Variants in PANK2 observed in about 807,000 individuals in gnomAD.
The protein encoded by PANK2 is pantothenate kinase 2, mitochondrial.
PANK2 carries 36 observed loss-of-function variants against 43.1 expected under a neutral mutation model. The observed-to-expected ratio is 0.84, with a 90% CI of 0.64 to 1.10. PANK2 has a LOEUF of 1.10. Among genes scored for constraint, PANK2 ranks in the 50% least tolerant of loss-of-function variants. The pLI, the probability that PANK2 is intolerant of heterozygous loss-of-function variation, is 0.00. For synonymous variants in PANK2, 281 were observed against 238.2 expected (o/e 1.18, Z -1.66); for missense variants, 576 against 593.3 (o/e 0.97, Z 0.30).
At chr20:3,889,205 C>T, upstream of PANK2, 9 of 1,612,694 alleles carry the variant, frequency 5.6e-6, no homozygotes, top group South Asian at 1.1e-5. Flanking sequence ...CCCGGATCCC[C>T]TCCTCCACCA....
intron 4 of PANK2, among the ~76,000 whole-genome samples, chr20:3,913,775 C>CACATATATAT (rs575219677): frequency 1.6e-5 from 2 of 124,008 alleles, no homozygotes; most frequent in Non-Finnish European, 1.7e-5. Flanking sequence ...CACACACACA[C>CACATATATAT]ATATATATAT....
chr20:3,889,267 ATCC>A (rs1568549477), upstream of PANK2: 4 of 1,611,902 alleles, frequency 2.5e-6, no homozygotes, highest in South Asian at 2.2e-5. Context: ...GGCACGGTCA[ATCC>A]TCCTCGAGTT....
rs528213420 is a variant in PANK2, at chr20:3,895,478, G to A, written c.298+5750G>A. On this transcript the variant is annotated intron_variant, in intron 1 of 6. Coordinates refer to ENST00000610179, the MANE Select transcript of PANK2 (RefSeq NM_001386393.1). ...AGCCTGGGCGACAGAGGGAGACCCT[G>A]TCTCCGTTTTTTTTTTTTTCTTTTT... 2.2e-3 allele frequency among the ~76,000 whole-genome samples: 230 copies of A among 106,096 alleles called. 2 individuals are homozygous for A. Among genetic ancestry groups the A allele is most frequent in the African/African-American group, 8.0e-3 (227 of 28,268 alleles). 69.6% of individuals were successfully genotyped at this position (106,096 alleles called of 152,430 possible). A position where few individuals can be genotyped will look rare whatever the true frequency, so the allele number is the denominator to read the frequency against.
intron 4 of PANK2, among the ~76,000 whole-genome samples, chr20:3,915,370 C>G (rs1489503826): frequency 2.6e-5 from 4 of 152,056 alleles, no homozygotes. Flanking sequence ...GCGATCTCGG[C>G]TCACTGCAAC....
At chr20:3,921,717 T>C (rs576552701) in intron 6 of PANK2, 1 of 152,114 alleles carries the variant, frequency 6.6e-6, no homozygotes, top group Non-Finnish European at 1.5e-5. Context: ...GCCTTTCTTT[T>C]TTTTGTTTTT....
chr20:3,894,832 A>G (rs1435776413), intron 1 of PANK2, among the ~76,000 whole-genome samples: 1 of 152,212 alleles, frequency 6.6e-6, no homozygotes, highest in African/African-American at 2.4e-5. Flanking sequence ...GGGACTAAAA[A>G]TCGTCCCCTT....
intron 1 of PANK2, among the ~76,000 whole-genome samples, chr20:3,893,146 T>C (rs1317951824): frequency 6.6e-6 from 1 of 152,148 alleles, no homozygotes; most frequent in Non-Finnish European, 1.5e-5. Flanking sequence ...TTATCCCCAA[T>C]TTCCAGATGA....
intron 1 of PANK2, among the ~76,000 whole-genome samples, chr20:3,896,229 ATTTT>A (rs35978823): frequency 4.5e-5 from 5 of 111,922 alleles, no homozygotes; most frequent in Admixed American, 1.0e-4. Context: ...CGCCTGGCTA[ATTTT>A]TTTTTTTTTT....
intron 1 of PANK2, among the ~76,000 whole-genome samples, chr20:3,904,802 C>G (rs1156671180): frequency 1.3e-5 from 2 of 152,080 alleles, no homozygotes; most frequent in Non-Finnish European, 2.9e-5. Flanking sequence ...ACTCTTTCTT[C>G]AGATATTTAG....
intron 3 of PANK2, among the ~76,000 whole-genome samples, chr20:3,912,254 T>G (rs371185237): frequency 1.3e-5 from 2 of 152,212 alleles, no homozygotes; most frequent in African/African-American, 4.8e-5. Flanking sequence ...CCCTGTGTTT[T>G]GTACTTTGCA....
intron 1 of PANK2, among the ~76,000 whole-genome samples, chr20:3,892,435 A>G (rs2090137850): frequency 6.7e-6 from 1 of 149,326 alleles, no homozygotes; most frequent in Admixed American, 6.7e-5. Flanking sequence ...TTCAACTAAG[A>G]CTAAATCTTT....
At chr20:3,913,795 T>TATA (rs2090510558) in intron 4 of PANK2, among the ~76,000 whole-genome samples, 1 of 120,942 alleles carries the variant, frequency 8.3e-6, no homozygotes, top group Non-Finnish European at 1.8e-5. Context: ...TATATATTTT[T>TATA]TTTTTTTTTT....
chr20:3,905,770 C>A (rs1208129061), intron 1 of PANK2, among the ~76,000 whole-genome samples: 1 of 140,868 alleles, frequency 7.1e-6, no homozygotes, highest in East Asian at 2.1e-4. Context: ...GGCTGTAGTG[C>A]AGTAGTGCTG....
chr20:3,899,168 C>A (rs1475607), intron 1 of PANK2, among the ~76,000 whole-genome samples: 1 of 149,760 alleles, frequency 6.7e-6, no homozygotes, highest in Admixed American at 6.7e-5. Flanking sequence ...GCCACCGTGC[C>A]CAGCCGGGTT....
At position 3,925,878 on chromosome 20, in the gene PANK2, C is replaced by T. The variant is rs1363947052; in HGVS notation, c.*2584C>T. 6.6e-6 allele frequency: 1 copy of T among 152,416 alleles called. No individual in the cohort carries two copies. Among genetic ancestry groups the T allele is most frequent in the Admixed American group, 6.5e-5 (1 of 15,286 alleles). 9.4% of individuals were successfully genotyped at this position (152,416 alleles called of 1,614,324 possible). On this transcript the variant is annotated 3_prime_UTR_variant, in exon 7 of 7. Coordinates refer to ENST00000610179, the MANE Select transcript of PANK2 (RefSeq NM_001386393.1). ...TCCTCATCCCAGCTTACTGCCGTCT[C>T]ACCACCTTCAGGTTGTGAGGTGCCC...
intron 6 of PANK2, among the ~76,000 whole-genome samples, chr20:3,919,893 TAA>T (rs778607654): frequency 5.9e-5 from 9 of 152,202 alleles, no homozygotes; most frequent in Admixed American, 6.5e-5. Flanking sequence ...AAAGTTACTT[TAA>T]GTTTTTCTTT....
chr20:3,922,020 C>G (rs2090654918), intron 6 of PANK2, among the ~76,000 whole-genome samples: 2 of 152,130 alleles, frequency 1.3e-5, no homozygotes, highest in Non-Finnish European at 2.9e-5. Context: ...ATATGCCTTT[C>G]TTTTAAATTG....
At chr20:3,890,034 T>C (rs1459261568) in intron 1 of PANK2, 2 of 938,756 alleles carry the variant, frequency 2.1e-6, no homozygotes, top group Non-Finnish European at 3.0e-6. Flanking sequence ...CACATGATTT[T>C]ATCCTCGAGA....
At chr20:3,923,157 GT>G in intron 6 of PANK2, 86 bp from the exon 7 acceptor site, 11 of 1,465,652 alleles carry the variant, frequency 7.5e-6, no homozygotes, top group Non-Finnish European at 1.1e-5. Flanking sequence ...GTGGGCAGTG[GT>G]TGGCTTTAAC....
Sources: allele counts gnomAD v4.1 joint callset (sites outside exome capture counted in the v4.1 genomes callset), GRCh38; gene constraint gnomAD v4.1.1; transcripts MANE v1.5; gene names NCBI Gene and HGNC (gene_info 2026-07-23, HGNC 2026-07-21).